The following TMTC3 variants were observed in gnomAD, a reference collection of about 807,000 sequenced individuals.
The protein encoded by TMTC3 is protein O-mannosyl-transferase TMTC3.
A neutral mutation model predicts 92.2 loss-of-function variants in TMTC3; 52 were observed. The ratio of observed to expected loss-of-function variants is 0.56; its 90% CI spans 0.45 to 0.71. The LOEUF is 0.71. TMTC3 is among the 30% of genes least tolerant of loss of function. The probability of loss-of-function intolerance (pLI) is 0.00; values close to 1 mark genes in which losing one functional copy is unlikely to be tolerated. For synonymous variants in TMTC3, 339 were observed against 363.3 expected, an observed-to-expected ratio of 0.93 and a Z score of 0.76; for missense variants, 896 against 1,057.1, an observed-to-expected ratio of 0.85 and a Z score of 2.11.
At position 88,187,178 on chromosome 12, in the gene TMTC3, A is replaced by AAAAAAAG. The variant is rs748541487; in HGVS notation, c.1433-1661_1433-1660insAAGAAAA. 3.4e-4 allele frequency among the ~76,000 whole-genome samples: 51 copies of AAAAAAAG among 150,768 alleles called. 1 individual carries two copies. Among genetic ancestry groups the AAAAAAAG allele is most frequent in the Admixed American group, 1.1e-3 (16 of 15,154 alleles). ...ATGGATTTATCTGGTAAAAAAAAAA[A>AAAAAAAG]AAAAGATATAAAAGCAAAGACTACC... On this transcript the variant is annotated intron_variant, in intron 10 of 13. Transcript: ENST00000266712.
intron 11 of TMTC3, 29 bp downstream of exon 11, chr12:88,188,975 C>T (rs1327188141): frequency 8.1e-7 from 1 of 1,231,348 alleles, no homozygotes; most frequent in Non-Finnish European, 1.2e-6. Flanking sequence ...TCTATTGTGT[C>T]ATATCTATTA....
intron 6 of TMTC3, among the ~76,000 whole-genome samples, chr12:88,162,746 C>T (rs1189921839): frequency 6.6e-6 from 1 of 151,944 alleles, no homozygotes; most frequent in Non-Finnish European, 1.5e-5. Context: ...AATAAATTTT[C>T]TCTTCATTAT....
At chr12:88,147,252 T>A (rs2040887374) in intron 1 of TMTC3, among the ~76,000 whole-genome samples, 1 of 152,096 alleles carries the variant, frequency 6.6e-6, no homozygotes, top group South Asian at 2.1e-4. Context: ...TTTAATTTAC[T>A]TTTTTCTTCT....
intron 7 of TMTC3, among the ~76,000 whole-genome samples, chr12:88,169,686 C>T (rs1020531818): frequency 6.6e-6 from 1 of 152,056 alleles, no homozygotes; most frequent in Non-Finnish European, 1.5e-5. Context: ...TGCCTGTAAT[C>T]CCAGTGCCTT....
At chr12:88,184,413 G>A (rs545806366) in intron 10 of TMTC3, among the ~76,000 whole-genome samples, 33 of 152,334 alleles carry the variant, frequency 2.2e-4, no homozygotes, top group African/African-American at 6.5e-4. Context: ...AAGAGAATCT[G>A]GCGGCCTTCA....
At chr12:88,148,168 T>A in intron 1 of TMTC3, 120 bp from the exon 2 acceptor site, 1 of 616,260 alleles carries the variant, frequency 1.6e-6, no homozygotes, top group South Asian at 2.2e-5. Flanking sequence ...TAGAAGTGGA[T>A]GGCATTTTAG....
At position 88,148,293 on chromosome 12, in the gene TMTC3, G is replaced by T. The variant is rs1313709720; in HGVS notation, c.-23G>T. 4 of 1,563,456 alleles carry T rather than the reference G, an allele frequency of 2.6e-6. No individual in the cohort carries two copies. The highest frequency in any genetic ancestry group is 1.9e-5 in the Admixed American group (1 of 53,172). On this transcript the variant is annotated 5_prime_UTR_variant, in exon 2 of 14. Transcript: ENST00000266712. ...CTTCATGATTTTTTTTCCAGTTTTT[G>T]TCCAGAAGTGCTTATAGAAAAGATG... is the stretch of plus-strand genomic sequence containing the variant.
intron 10 of TMTC3, among the ~76,000 whole-genome samples, chr12:88,179,289 C>T (rs896006633): frequency 5.3e-5 from 8 of 151,824 alleles, no homozygotes; most frequent in South Asian, 2.1e-4. Flanking sequence ...ATAGTTTAGA[C>T]GGGGCAAGAC....
At chr12:88,152,198 G>A (rs1292074189) in intron 2 of TMTC3, among the ~76,000 whole-genome samples, 2 of 152,194 alleles carry the variant, frequency 1.3e-5, no homozygotes, top group African/African-American at 4.8e-5. Flanking sequence ...TACAAGCATG[G>A]CAACAGCGTC....
At chr12:88,190,866 G>A (rs1592751455) in intron 12 of TMTC3, among the ~76,000 whole-genome samples, 1 of 152,262 alleles carries the variant, frequency 6.6e-6, no homozygotes, top group Non-Finnish European at 1.5e-5. Context: ...AAGGGTAGAA[G>A]CAGCTCTGTC....
In TMTC3 at chr12:88,195,718, AGCTTTG is replaced by A; in HGVS notation, c.*70_*75del. 1 of 1,388,086 alleles carries A rather than the reference AGCTTTG, an allele frequency of 7.2e-7. No homozygotes were observed. The highest frequency in any genetic ancestry group is 9.7e-7 in the Non-Finnish European group (1 of 1,033,376). The allele number at this position is 1,388,086 out of a possible 1,614,324, so 86.0% of individuals were successfully genotyped here. A position where few individuals can be genotyped will look rare whatever the true frequency, so the allele number is the denominator to read the frequency against. On this transcript the variant is annotated 3_prime_UTR_variant, in exon 14 of 14. Transcript: ENST00000266712. ...GTATCATGTGATTGCTTTTACTGGG[AGCTTTG>A]AAAAAAAGTTCAAGGGTTCCTAATG... is the stretch of plus-strand genomic sequence containing the variant.
chr12:88,195,183 T>C lies in TMTC3; in HGVS notation c.2279T>C (p.Phe760Ser), dbSNP rs1350701183. ...KKDILGAKKC[F>S]ERILEMDPSN... ...GATATACTAGGAGCAAAAAAATGTT[T>C]TGAAAGGATTTTGGAGATGGATCCA... The change falls in exon 14 of 14, where the codon TTT (phenylalanine) becomes TCT (serine). Residue 760 changes from phenylalanine (F) to serine (S), a missense_variant. Transcript: ENST00000266712. The C allele has an allele frequency of 6.8e-6, 11 of 1,613,726 alleles. No homozygotes were observed. The highest frequency in any genetic ancestry group is 4.0e-5 in the African/African-American group (3 of 74,908).
intron 1 of TMTC3, among the ~76,000 whole-genome samples, chr12:88,144,856 T>C (rs982718316): frequency 6.6e-6 from 1 of 152,178 alleles, no homozygotes; most frequent in Non-Finnish European, 1.5e-5. Flanking sequence ...TCACTGTATA[T>C]TTTTGAGGAA....
chr12:88,185,754 A>G (rs904852077), intron 10 of TMTC3, among the ~76,000 whole-genome samples: 8 of 150,924 alleles, frequency 5.3e-5, no homozygotes, highest in African/African-American at 1.5e-4. Context: ...TAACACAAGT[A>G]AATGTTGGAT....
intron 2 of TMTC3, among the ~76,000 whole-genome samples, chr12:88,150,965 T>C (rs1277116872): frequency 1.3e-5 from 2 of 152,130 alleles, no homozygotes; most frequent in African/African-American, 2.4e-5. Context: ...GCTATAGATA[T>C]GTGCTGCTCT....
intron 7 of TMTC3, among the ~76,000 whole-genome samples, chr12:88,170,536 T>C (rs2138402722): frequency 6.6e-6 from 1 of 152,326 alleles, no homozygotes; most frequent in South Asian, 2.1e-4. Context: ...ACCAGTTTGA[T>C]GGTAGTGATT....
At position 88,196,638 on chromosome 12, in the gene TMTC3, C is replaced by T. The variant is rs1002188970; in HGVS notation, c.*989C>T. 5 of 151,824 alleles carry T rather than the reference C, an allele frequency of 3.3e-5. No homozygotes were observed. The highest frequency in any genetic ancestry group is 9.7e-5 in the African/African-American group (4 of 41,398). 9.4% of individuals were successfully genotyped at this position (151,824 alleles called of 1,614,324 possible). A position where few individuals can be genotyped will look rare whatever the true frequency, so the allele number is the denominator to read the frequency against. ...TTCTGTTTGACTGAAAGCAAAACAACGTGACAGTTTATTTTCAAACACTAA... is the reference window on the plus strand; with the variant it reads ...TTCTGTTTGACTGAAAGCAAAACAATGTGACAGTTTATTTTCAAACACTAA... On this transcript the variant is annotated 3_prime_UTR_variant, in exon 14 of 14. Transcript: ENST00000266712.
At chr12:88,162,996 A>G (rs1203269634) in intron 6 of TMTC3, among the ~76,000 whole-genome samples, 1 of 150,992 alleles carries the variant, frequency 6.6e-6, no homozygotes, top group East Asian at 1.9e-4. Flanking sequence ...GCTCACCGCA[A>G]CCTCCACCTC....
chr12:88,160,599 G>A lies in TMTC3; in HGVS notation c.625-80G>A, dbSNP rs1466520720. 2.5e-6 allele frequency: 3 copies of A among 1,179,174 alleles called. No individual in the cohort carries two copies. The Admixed American group carries it at 6.6e-5, about 26-fold the overall frequency. The allele number at this position is 1,179,174 out of a possible 1,614,324, so 73.0% of individuals were successfully genotyped here. A position where few individuals can be genotyped will look rare whatever the true frequency, so the allele number is the denominator to read the frequency against. ...TATAATTATACTTGTATCTAATCTT[G>A]CAATTAGAAAGTACTACAGTATTGA... On this transcript the variant is annotated intron_variant, in intron 5 of 13. Transcript: ENST00000266712.
Sources: gnomAD v4.1 joint callset for allele counts (sites outside exome capture counted in the v4.1 genomes callset) on GRCh38, gnomAD v4.1.1 for gene constraint, MANE v1.5 for transcripts, NCBI Gene and HGNC (gene_info 2026-07-23, HGNC 2026-07-21) for gene names.